The following PRKG1 variants were observed in gnomAD, a reference collection of about 807,000 sequenced individuals.
The protein encoded by PRKG1 is cGMP-dependent protein kinase 1.
Under a neutral mutation model 88.1 loss-of-function variants are expected in PRKG1, and 35 were observed. The ratio of observed to expected loss-of-function variants is 0.40; its 90% CI spans 0.30 to 0.53. The LOEUF is 0.53. Among genes scored for constraint, PRKG1 ranks in the 20% least tolerant of loss-of-function variants. The pLI, the probability that PRKG1 is intolerant of heterozygous loss-of-function variation, is 0.59. For missense variants in PRKG1, 540 were observed against 839.8 expected (o/e 0.64, Z 4.41); for synonymous variants, 303 against 292.5 (o/e 1.04, Z -0.37).
At position 51,970,709 on chromosome 10, in the gene PRKG1, C is replaced by CTGATATATATATATCAGATATATCAGA. The variant is rs1564733809; in HGVS notation, c.762+63141_762+63167dup. Among the ~76,000 whole-genome samples the CTGATATATATATATCAGATATATCAGA allele has an allele frequency of 2.5e-3, 337 of 137,414 alleles. 21 individuals carry two copies. The highest frequency in any genetic ancestry group is 0.011 in the Middle Eastern group (3 of 268). 90.1% of individuals were successfully genotyped at this position (137,414 alleles called of 152,430 possible). On this transcript the variant is annotated intron_variant, in intron 5 of 17. Coordinates refer to ENST00000373980, the MANE Select transcript of PRKG1 (RefSeq NM_006258.4). Reference sequence around the variant, plus strand: ...CTGATATATATATCAGATATATCATCTGATATATATATATCAGATATATCA... The same window carrying CTGATATATATATATCAGATATATCAGA: ...CTGATATATATATCAGATATATCATCTGATATATATATATCAGATATATCAGATGATATATATATATCAGATATATCA...
At chr10:51,888,507 G>A (rs1038258339) in intron 4 of PRKG1, among the ~76,000 whole-genome samples, 1 of 152,154 alleles carries the variant, frequency 6.6e-6, no homozygotes, top group Non-Finnish European at 1.5e-5. Context: ...AAACCAATGG[G>A]ACTTTTATAG....
chr10:51,698,473 A>G, intron 3 of PRKG1: 2 of 1,614,056 alleles, frequency 1.2e-6, no homozygotes, highest in Non-Finnish European at 1.7e-6. Context: ...GGGGACCCTG[A>G]TGGGGTGGAC....
chr10:52,276,842 CA>C (rs1294428200), intron 12 of PRKG1, among the ~76,000 whole-genome samples: 16 of 152,106 alleles, frequency 1.1e-4, no homozygotes, highest in African/African-American at 3.6e-4. Flanking sequence ...TGACTGCTTT[CA>C]AGATGTCTAT....
At chr10:51,643,110 C>T (rs1839839070) in intron 3 of PRKG1, among the ~76,000 whole-genome samples, 1 of 143,416 alleles carries the variant, frequency 7.0e-6, no homozygotes, top group East Asian at 2.0e-4. Flanking sequence ...ACTATTTGTT[C>T]ATGCTTGAGT....
At chr10:51,504,021 C>T (rs923365716) in intron 3 of PRKG1, among the ~76,000 whole-genome samples, 3 of 152,084 alleles carry the variant, frequency 2.0e-5, no homozygotes, top group African/African-American at 7.2e-5. Context: ...AGAAAGATTA[C>T]AGATTCTTTC....
intron 4 of PRKG1, among the ~76,000 whole-genome samples, chr10:51,811,450 A>T (rs1192163671): frequency 1.3e-5 from 2 of 152,118 alleles, no homozygotes; most frequent in African/African-American, 4.8e-5. Flanking sequence ...GTATTTTATC[A>T]TATTTCTAAA....
chr10:51,377,073 C>A (rs551869701), intron 2 of PRKG1, among the ~76,000 whole-genome samples: 2 of 151,914 alleles, frequency 1.3e-5, no homozygotes, highest in South Asian at 2.1e-4. Context: ...AATGTTATAA[C>A]CTGTTAGCAG....
Position 52,033,769 on chromosome 10 carries a change from G to A in PRKG1, c.763-20715G>A, listed in dbSNP as rs528625961. On this transcript the variant is annotated intron_variant, in intron 5 of 17. Coordinates refer to ENST00000373980, the MANE Select transcript of PRKG1 (RefSeq NM_006258.4). ...CAAGTGGTAAATTTCATGCACGTCCGTGTGAACAGACCACCAAACAGGCTT... is the reference window on the plus strand; with the variant it reads ...CAAGTGGTAAATTTCATGCACGTCCATGTGAACAGACCACCAAACAGGCTT... Among the ~76,000 whole-genome samples the A allele has an allele frequency of 2.6e-4, 39 of 152,250 alleles. No homozygotes were observed. In the South Asian group the frequency reaches 3.7e-3, roughly 15 times the overall value.
chr10:51,704,184 A>T (rs1342467198), intron 3 of PRKG1, among the ~76,000 whole-genome samples: 1 of 151,260 alleles, frequency 6.6e-6, no homozygotes, highest in Admixed American at 6.6e-5. Flanking sequence ...AATAAAATTA[A>T]ATTAAATAAA....
chr10:51,331,515 C>G (rs1451222946), intron 2 of PRKG1, among the ~76,000 whole-genome samples: 1 of 152,150 alleles, frequency 6.6e-6, no homozygotes, highest in Non-Finnish European at 1.5e-5. Context: ...TCACTTTCCT[C>G]TCTTTTCTCC....
intron 8 of PRKG1, among the ~76,000 whole-genome samples, chr10:52,158,645 A>G (rs1838190104): frequency 6.6e-6 from 1 of 151,692 alleles, no homozygotes; most frequent in South Asian, 2.1e-4. Context: ...ACTTCCGGTT[A>G]TGTATAATGG....
At chr10:52,169,520 A>T (rs780362830) in intron 9 of PRKG1, among the ~76,000 whole-genome samples, 2 of 152,136 alleles carry the variant, frequency 1.3e-5, no homozygotes, top group African/African-American at 4.8e-5. Context: ...CACGATGGGG[A>T]TTAGGTTTCC....
At chr10:51,796,824 G>A (rs1437613608) in intron 3 of PRKG1, among the ~76,000 whole-genome samples, 1 of 151,960 alleles carries the variant, frequency 6.6e-6, no homozygotes, top group African/African-American at 2.4e-5. Context: ...TACAGGAAAG[G>A]CAAATTTGAT....
chr10:51,162,533 C>CT lies in PRKG1; in HGVS notation c.478+9206dup, dbSNP rs1846390558. ...ATTAAAATCAATCTGAGAATTCACA[C>CT]TTTATGTGTATTTAAAATACCAAGG... On this transcript the variant is annotated intron_variant, in intron 2 of 17. Coordinates refer to ENST00000373980, the MANE Select transcript of PRKG1 (RefSeq NM_006258.4). Among the ~76,000 whole-genome samples the CT allele has an allele frequency of 2.0e-5, 3 of 152,140 alleles. No homozygotes were observed. In the South Asian group the frequency reaches 6.2e-4, roughly 32 times the overall value.
intron 2 of PRKG1, among the ~76,000 whole-genome samples, chr10:51,453,129 G>A (rs1415978889): frequency 6.6e-6 from 1 of 151,768 alleles, no homozygotes; most frequent in Admixed American, 6.6e-5. Context: ...TGTGGTATTG[G>A]TTATAATATC....
chr10:52,096,080 A>G (rs988572254), intron 7 of PRKG1, among the ~76,000 whole-genome samples: 1 of 152,100 alleles, frequency 6.6e-6, no homozygotes, highest in African/African-American at 2.4e-5. Flanking sequence ...CTGTACTTAG[A>G]GGCTGTAGGG....
chr10:51,393,083 GGGCTCCTCACTTCTC>G (rs1837474786), intron 2 of PRKG1, among the ~76,000 whole-genome samples: 8 of 59,354 alleles, frequency 1.3e-4, no homozygotes, highest in Non-Finnish European at 2.5e-4. Context: ...CCGGGCGGAG[GGGCTCCTCACTTCTC>G]AGACGGGGCG....
chr10:51,932,771 A>G (rs1251647273), intron 5 of PRKG1, among the ~76,000 whole-genome samples: 5 of 152,142 alleles, frequency 3.3e-5, no homozygotes, highest in Non-Finnish European at 7.4e-5. Flanking sequence ...TTCTGTTTCA[A>G]TGAGGAGCTT....
intron 4 of PRKG1, among the ~76,000 whole-genome samples, chr10:51,896,033 G>C (rs542132835): frequency 6.6e-6 from 1 of 152,092 alleles, no homozygotes; most frequent in Admixed American, 6.6e-5. Flanking sequence ...GACATGACAC[G>C]CTTCCTAGAT....
Sources: allele counts gnomAD v4.1 joint callset (sites outside exome capture counted in the v4.1 genomes callset), GRCh38; gene constraint gnomAD v4.1.1; transcripts MANE v1.5; gene names NCBI Gene and HGNC (gene_info 2026-07-23, HGNC 2026-07-21).